Variants in NXPE2 observed in about 807,000 individuals in gnomAD.
NXPE2 encodes NXPE family member 2.
In NXPE2, 34 loss-of-function variants were observed where a neutral mutation model predicts 34.4. The observed-to-expected ratio is 0.99, with a 90% confidence interval of 0.75 to 1.31. The LOEUF is 1.31. Ranked by LOEUF, NXPE2 falls within the 40% of genes most tolerant of loss-of-function variation. The pLI is 0.00. For missense variants in NXPE2, 649 were observed against 672.5 expected (o/e 0.97, Z 0.39); for synonymous variants, 235 against 231.3 (o/e 1.02, Z -0.15).
chr11:114,767,015 A>G, the NXPE2 span, among the ~76,000 whole-genome samples: 20 of 152,232 alleles, frequency 1.3e-4, no homozygotes, highest in East Asian at 1.4e-3. Context: ...CTTTAATTCC[A>G]TATGGAGTAA....
the NXPE2 span, among the ~76,000 whole-genome samples, chr11:114,563,872 G>A: frequency 2.0e-5 from 3 of 152,128 alleles, no homozygotes; most frequent in Non-Finnish European, 4.4e-5. Context: ...ACTGCTGGTG[G>A]GAATGTAAAC....
At chr11:114,772,572 A>G in the NXPE2 span, among the ~76,000 whole-genome samples, 2 of 152,092 alleles carry the variant, frequency 1.3e-5, no homozygotes, top group Admixed American at 6.5e-5. Context: ...TTGCCCATGT[A>G]GGACTCAAAT....
chr11:114,675,419 C>A (rs1054909096), upstream of NXPE2, among the ~76,000 whole-genome samples: 1 of 151,564 alleles, frequency 6.6e-6, no homozygotes, highest in African/African-American at 2.4e-5. Context: ...AAAGACTCCA[C>A]CAAAAAACTG....
chr11:114,740,466 C>T, the NXPE2 span, among the ~76,000 whole-genome samples: 1 of 152,000 alleles, frequency 6.6e-6, no homozygotes, highest in Non-Finnish European at 1.5e-5. Flanking sequence ...TTTTCATTTC[C>T]TTTGTATATA....
intron 2 of NXPE2, among the ~76,000 whole-genome samples, chr11:114,683,039 C>T (rs977992902): frequency 6.6e-6 from 1 of 151,980 alleles, no homozygotes; most frequent in African/African-American, 2.4e-5. Context: ...TTTCATTGTT[C>T]TAACCAATTC....
At chr11:114,713,840 T>C in the NXPE2 span, among the ~76,000 whole-genome samples, 2 of 152,176 alleles carry the variant, frequency 1.3e-5, no homozygotes, top group Non-Finnish European at 2.9e-5. Flanking sequence ...CCCAATCTTC[T>C]TTTCCAGTCT....
the NXPE2 span, among the ~76,000 whole-genome samples, chr11:114,490,402 T>C: frequency 2.0e-5 from 3 of 152,196 alleles, no homozygotes. Flanking sequence ...AAGTCAATCC[T>C]AAGCCAAAAG....
the NXPE2 span, among the ~76,000 whole-genome samples, chr11:114,510,250 C>G: frequency 6.6e-6 from 1 of 152,090 alleles, no homozygotes; most frequent in African/African-American, 2.4e-5. Context: ...TTATTTGAGA[C>G]AGGGTCTTGC....
At chr11:114,679,901 G>T in intron 2 of NXPE2, 139 bp downstream of exon 2, 1 of 559,556 alleles carries the variant, frequency 1.8e-6, no homozygotes. Flanking sequence ...TCACTGTTCA[G>T]CATAAATCCC....
chr11:114,737,780 T>C, the NXPE2 span, among the ~76,000 whole-genome samples: 2 of 152,076 alleles, frequency 1.3e-5, no homozygotes, highest in African/African-American at 2.4e-5. Context: ...GCTCTTTTGC[T>C]GACATAAGTT....
the NXPE2 span, among the ~76,000 whole-genome samples, chr11:114,632,185 T>C: frequency 0.02 from 2,825 of 142,094 alleles, 92 homozygotes; most frequent in African/African-American, 0.067. Context: ...ATATAATAAA[T>C]AAATGATCAT....
chr11:114,571,529 G>A, the NXPE2 span: 30 of 1,424,886 alleles, frequency 2.1e-5, no homozygotes, highest in African/African-American at 3.7e-4. Context: ...CCAAGATTGA[G>A]TAGATATAAA....
At chr11:114,705,306 A>G (rs1431390843) in intron 4 of NXPE2, among the ~76,000 whole-genome samples, 1 of 152,248 alleles carries the variant, frequency 6.6e-6, no homozygotes. Flanking sequence ...TGATTCTGGG[A>G]CACACAAAAT....
downstream of NXPE2, among the ~76,000 whole-genome samples, chr11:114,708,143 C>T (rs1372591231): frequency 6.6e-6 from 1 of 152,106 alleles, no homozygotes; most frequent in Admixed American, 6.6e-5. Context: ...GTGATGTATA[C>T]AGGAAAACTT....
chr11:114,701,094 T>A (rs985141719), intron 3 of NXPE2, among the ~76,000 whole-genome samples: 1 of 152,176 alleles, frequency 6.6e-6, no homozygotes, highest in Non-Finnish European at 1.5e-5. Context: ...AAAATCTCTT[T>A]ATCCCCTATG....
At chr11:114,805,222 G>GAGAT in the NXPE2 span, among the ~76,000 whole-genome samples, 1 of 151,542 alleles carries the variant, frequency 6.6e-6, no homozygotes, top group African/African-American at 2.4e-5. Flanking sequence ...GGTAGGGAGG[G>GAGAT]AGATAGGAAC....
chr11:114,775,199 C>T, the NXPE2 span, among the ~76,000 whole-genome samples: 1,434 of 152,322 alleles, frequency 9.4e-3, 28 homozygotes, highest in African/African-American at 0.032. Flanking sequence ...TTCCTTCCTC[C>T]AGGTCCGCCT....
the NXPE2 span, among the ~76,000 whole-genome samples, chr11:114,560,518 C>T: frequency 1.3e-5 from 2 of 152,048 alleles, no homozygotes; most frequent in East Asian, 1.9e-4. Flanking sequence ...CTGTCTTCCT[C>T]GGCCACCCAA....
chr11:114,743,486 T>C, the NXPE2 span, among the ~76,000 whole-genome samples: 1 of 150,704 alleles, frequency 6.6e-6, no homozygotes, highest in Non-Finnish European at 1.5e-5. Context: ...ATAGAATAGG[T>C]TTTTAAAATA....
Sources: allele counts gnomAD v4.1 joint callset (sites outside exome capture counted in the v4.1 genomes callset), GRCh38; gene constraint gnomAD v4.1.1; transcripts MANE v1.5; gene names NCBI Gene and HGNC (gene_info 2026-07-23, HGNC 2026-07-21).